SUPT20H: variants seen among roughly 807,000 people sequenced by gnomAD.
SUPT20H encodes the protein SPT20 homolog, SAGA complex component.
SUPT20H carries 82 observed loss-of-function variants against 122.8 expected under a neutral mutation model. The ratio of observed to expected loss-of-function variants is 0.67; its 90% CI spans 0.56 to 0.80. The LOEUF (loss-of-function observed/expected upper bound fraction) is 0.80, where lower values mean the gene tolerates loss of function less well. Among genes scored for constraint, SUPT20H ranks in the 30% least tolerant of loss-of-function variants. The pLI is 0.00. For synonymous variants in SUPT20H, 291 were observed against 313.0 expected (o/e 0.93, Z 0.74); for missense variants, 831 against 921.6 (o/e 0.90, Z 1.27).
At chr13:37,058,037 G>A (rs2069600997) in intron 1 of SUPT20H, among the ~76,000 whole-genome samples, 1 of 151,524 alleles carries the variant, frequency 6.6e-6, no homozygotes, top group African/African-American at 2.4e-5. Flanking sequence ...GCAGAAGCGG[G>A]TGGGTCACTT....
At chr13:37,025,169 C>T (rs1035853123) in intron 17 of SUPT20H, 151 bp downstream of exon 17, 10 of 654,662 alleles carry the variant, frequency 1.5e-5, no homozygotes, top group Admixed American at 4.0e-5. Context: ...CTCGAACTCC[C>T]GACCTCAGGT....
chr13:37,034,006 TA>T (rs1171553114), intron 9 of SUPT20H, among the ~76,000 whole-genome samples: 1 of 152,216 alleles, frequency 6.6e-6, no homozygotes, highest in Non-Finnish European at 1.5e-5. Flanking sequence ...CAATGTGTAC[TA>T]AATCAAGAAA....
chr13:37,035,666 G>A (rs2064233542), intron 9 of SUPT20H, among the ~76,000 whole-genome samples: 1 of 152,024 alleles, frequency 6.6e-6, no homozygotes, highest in Admixed American at 6.6e-5. Context: ...CGAGTAGCTG[G>A]GATTACAGGC....
At chr13:37,043,523 T>C (rs749064618) in intron 7 of SUPT20H, among the ~76,000 whole-genome samples, 1 of 152,210 alleles carries the variant, frequency 6.6e-6, no homozygotes, top group African/African-American at 2.4e-5. Context: ...AGATTTCCAA[T>C]TGATGAGCTA....
At chr13:37,010,112 C>T (rs923042207) in intron 25 of SUPT20H, among the ~76,000 whole-genome samples, 1 of 152,116 alleles carries the variant, frequency 6.6e-6, no homozygotes, top group Non-Finnish European at 1.5e-5. Flanking sequence ...TGGTTTATAG[C>T]AATATAAAAC....
chr13:37,047,828 T>TA, intron 4 of SUPT20H, 50 bp downstream of exon 4: 4 of 1,512,394 alleles, frequency 2.6e-6, no homozygotes, highest in Non-Finnish European at 3.6e-6. Context: ...AAAAGGTAGC[T>TA]ATCATCATAT....
rs754411778 is a variant in SUPT20H, at chr13:37,009,778, A to G, written c.2234T>C (p.Met745Thr). ...AGCTGTTTGTGCTGCTGCTGCTGCCATAGCCATTTGATGCTGCAAGAATCG... is the reference window on the plus strand; with the variant it reads ...AGCTGTTTGTGCTGCTGCTGCTGCCGTAGCCATTTGATGCTGCAAGAATCG... ...QLRFLQHQMA[M>T]AAAAAQTAQL... The change falls in exon 26 of 26, where the codon ATG becomes ACG. Residue 745 changes from methionine (M) to threonine (T), a missense_variant. Transcript: ENST00000350612. 19 of 1,612,702 alleles carry G rather than the reference A, an allele frequency of 1.2e-5. No individual in the cohort carries two copies. The highest frequency in any genetic ancestry group is 4.0e-5 in the African/African-American group (3 of 74,862).
At chr13:37,031,499 G>T (rs1489291389) in intron 12 of SUPT20H, 68 bp downstream of exon 12, 6 of 1,059,802 alleles carry the variant, frequency 5.7e-6, no homozygotes, top group African/African-American at 1.7e-5. Flanking sequence ...TTTTCTCAAG[G>T]TATAAGCAAC....
chr13:37,030,860 C>T (rs2139919160), intron 12 of SUPT20H, among the ~76,000 whole-genome samples: 1 of 152,274 alleles, frequency 6.6e-6, no homozygotes, highest in South Asian at 2.1e-4. Flanking sequence ...ATACAGTCTA[C>T]TGCTGCTTCT....
rs1359825668 is a variant in SUPT20H at position 37,028,155 on chromosome 13, G to C, written c.1144C>G (p.Pro382Ala). ...ADEESDSQMS[P>A]SHSSTDDHSN... is the part of the protein sequence containing the mutation. ...GTATTTAACAGAACTCACTGTGATG[G>C]AGACATCTGGCTGTCACTTTCTTCA... Residue 382 changes from proline (P) to alanine (A), a missense_variant, in exon 14 of 26, where the codon CCA becomes GCA. By Grantham distance (27) the Pro-to-Ala change is conservative. Coordinates refer to ENST00000350612, the MANE Select transcript of SUPT20H (RefSeq NM_001014286.3). The C allele has an allele frequency of 1.9e-6, 3 of 1,600,978 alleles. No individual in the cohort carries two copies. Among genetic ancestry groups the C allele is most frequent in the African/African-American group, 1.4e-5 (1 of 73,840 alleles).
chr13:37,019,477 G>T, intron 21 of SUPT20H, 80 bp from the exon 22 acceptor site: 1 of 978,016 alleles, frequency 1.0e-6, no homozygotes, highest in Non-Finnish European at 1.5e-6. Context: ...GTATATATAA[G>T]TACAATAATT....
At chr13:37,057,003 T>A (rs1365746580) in intron 1 of SUPT20H, 1 of 152,078 alleles carries the variant, frequency 6.6e-6, no homozygotes, top group Non-Finnish European at 1.5e-5. Context: ...TGCGTAACAT[T>A]TGCTCTGAGA....
At chr13:37,029,898 A>G in intron 12 of SUPT20H, 62 bp from the exon 13 acceptor site, 1 of 1,308,696 alleles carries the variant, frequency 7.6e-7, no homozygotes, top group South Asian at 1.4e-5. Flanking sequence ...AAATGGAATC[A>G]GTATTCTGAT....
intron 1 of SUPT20H, among the ~76,000 whole-genome samples, chr13:37,052,334 C>G (rs554774022): frequency 6.6e-6 from 1 of 152,114 alleles, no homozygotes; most frequent in East Asian, 1.9e-4. Context: ...AACAGATATA[C>G]AGACCAACAG....
chr13:37,043,314 T>C (rs1364752286), intron 7 of SUPT20H, among the ~76,000 whole-genome samples: 1 of 152,136 alleles, frequency 6.6e-6, no homozygotes, highest in Non-Finnish European at 1.5e-5. Context: ...ATGTCTTCTT[T>C]TTCCTCAGTA....
chr13:37,047,788 T>C, intron 4 of SUPT20H, 90 bp downstream of exon 4: 2 of 1,354,998 alleles, frequency 1.5e-6, no homozygotes, highest in Middle Eastern at 2.1e-4. Flanking sequence ...CCTATAAAAT[T>C]TCTAGCTCAG....
intron 23 of SUPT20H, chr13:37,013,032 G>A (rs1246684045): frequency 6.6e-6 from 1 of 152,086 alleles, no homozygotes; most frequent in East Asian, 1.9e-4. Context: ...AAAGATGGCA[G>A]TTCTTCCCCC....
intron 17 of SUPT20H, 78 bp from the exon 18 acceptor site, chr13:37,024,520 C>A (rs1052717755): frequency 6.1e-6 from 6 of 978,718 alleles, no homozygotes; most frequent in Non-Finnish European, 8.4e-6. Flanking sequence ...TATTTAACTT[C>A]ATAGTTTATT....
intron 9 of SUPT20H, among the ~76,000 whole-genome samples, chr13:37,036,491 A>C (rs1422003989): frequency 6.6e-6 from 1 of 151,956 alleles, no homozygotes; most frequent in Admixed American, 6.6e-5. Flanking sequence ...TGTCCAGCTA[A>C]TTTCTGTATT....
Sources: allele counts gnomAD v4.1 joint callset (sites outside exome capture counted in the v4.1 genomes callset), GRCh38; gene constraint gnomAD v4.1.1; transcripts MANE v1.5; gene names NCBI Gene and HGNC (gene_info 2026-07-23, HGNC 2026-07-21).